FERRY3: variants seen among roughly 807,000 people sequenced by gnomAD.
The protein encoded by FERRY3 is protein C12orf4.
the FERRY3 span, among the ~76,000 whole-genome samples, chr12:4,501,136 C>A: frequency 3.3e-5 from 5 of 152,116 alleles, no homozygotes; most frequent in African/African-American, 1.2e-4. Context: ...AATCTACCAC[C>A]AACTATTTTC....
chr12:4,506,460 G>T, the FERRY3 span, among the ~76,000 whole-genome samples: 2 of 152,234 alleles, frequency 1.3e-5, no homozygotes, highest in Admixed American at 1.3e-4. Flanking sequence ...GAGATAGAAG[G>T]CTTTGATGCT....
At chr12:4,514,126 C>T in the FERRY3 span, among the ~76,000 whole-genome samples, 2 of 151,314 alleles carry the variant, frequency 1.3e-5, no homozygotes, top group Non-Finnish European at 2.9e-5. Context: ...TTTATGCAGC[C>T]AAAAAACACA....
the FERRY3 span, among the ~76,000 whole-genome samples, chr12:4,530,485 A>T: frequency 1.1e-4 from 16 of 152,202 alleles, no homozygotes; most frequent in African/African-American, 3.6e-4. Flanking sequence ...TGCATGCATT[A>T]GTTACATAAT....
the FERRY3 span, among the ~76,000 whole-genome samples, chr12:4,531,690 T>A: frequency 2.2e-4 from 33 of 152,206 alleles, no homozygotes; most frequent in African/African-American, 7.2e-4. Context: ...ACGCCTGACT[T>A]CTTTGAGGTT....
At chr12:4,521,559 A>G in the FERRY3 span, among the ~76,000 whole-genome samples, 11 of 152,244 alleles carry the variant, frequency 7.2e-5, no homozygotes, top group Non-Finnish European at 1.5e-4. Context: ...GACAACACAC[A>G]AGGAATTTTA....
the FERRY3 span, among the ~76,000 whole-genome samples, chr12:4,501,632 T>C: frequency 6.6e-6 from 1 of 152,236 alleles, no homozygotes; most frequent in Admixed American, 6.5e-5. Flanking sequence ...TAATGCCTGA[T>C]GATCTGTCAC....
At chr12:4,516,214 G>A in the FERRY3 span, among the ~76,000 whole-genome samples, 1 of 152,120 alleles carries the variant, frequency 6.6e-6, no homozygotes, top group South Asian at 2.1e-4. Flanking sequence ...ATAGAACTTG[G>A]ATCAAAAGAT....
the FERRY3 span, among the ~76,000 whole-genome samples, chr12:4,523,543 A>G: frequency 1.3e-5 from 2 of 152,222 alleles, no homozygotes; most frequent in African/African-American, 4.8e-5. Flanking sequence ...ACCATAGCAA[A>G]GACTTGGAAC....
chr12:4,525,431 AAAAAC>A, the FERRY3 span: 2 of 1,601,450 alleles, frequency 1.2e-6, no homozygotes, highest in Non-Finnish European at 1.7e-6. Flanking sequence ...AAACAAACAA[AAAAAC>A]AAAAGAAAAT....
At chr12:4,518,144 G>C in the FERRY3 span, 1 of 1,614,030 alleles carries the variant, frequency 6.2e-7, no homozygotes, top group Non-Finnish European at 8.5e-7. Flanking sequence ...TGACAGAGCT[G>C]TTTGGAGCCG....
the FERRY3 span, among the ~76,000 whole-genome samples, chr12:4,494,155 A>G: frequency 6.6e-6 from 1 of 152,170 alleles, no homozygotes. Flanking sequence ...TCTAAAAACT[A>G]CAATAATAAT....
the FERRY3 span, among the ~76,000 whole-genome samples, chr12:4,515,898 T>C: frequency 6.6e-6 from 1 of 152,184 alleles, no homozygotes; most frequent in Non-Finnish European, 1.5e-5. Flanking sequence ...GTACATTGAA[T>C]CGTCAAATTG....
chr12:4,506,309 A>G, the FERRY3 span, among the ~76,000 whole-genome samples: 1 of 152,164 alleles, frequency 6.6e-6, no homozygotes, highest in Non-Finnish European at 1.5e-5. Context: ...CCTTCAAACA[A>G]GTAAACAGCA....
chr12:4,522,430 T>G, the FERRY3 span, among the ~76,000 whole-genome samples: 1 of 152,172 alleles, frequency 6.6e-6, no homozygotes, highest in African/African-American at 2.4e-5. Context: ...TGAAAAAATG[T>G]TAACATAATT....
At chr12:4,520,023 C>A in the FERRY3 span, among the ~76,000 whole-genome samples, 3 of 152,204 alleles carry the variant, frequency 2.0e-5, no homozygotes. Flanking sequence ...GTGACATATA[C>A]CTCCAAGGAC....
the FERRY3 span, among the ~76,000 whole-genome samples, chr12:4,493,217 T>C: frequency 1.3e-5 from 2 of 152,234 alleles, no homozygotes; most frequent in Non-Finnish European, 2.9e-5. Context: ...CTGTCGTTTT[T>C]GGGGAGGAGG....
At chr12:4,499,855 A>G in the FERRY3 span, among the ~76,000 whole-genome samples, 1 of 152,140 alleles carries the variant, frequency 6.6e-6, no homozygotes, top group Non-Finnish European at 1.5e-5. Flanking sequence ...GAAAAAAAGG[A>G]GGAGAAAGAG....
the FERRY3 span, chr12:4,518,035 A>T: frequency 6.3e-7 from 1 of 1,580,904 alleles, no homozygotes. Flanking sequence ...TTAACAAAAT[A>T]AATGTGTATG....
chr12:4,518,980 G>A, the FERRY3 span: 1 of 742,394 alleles, frequency 1.3e-6, no homozygotes, highest in Non-Finnish European at 2.0e-6. Flanking sequence ...TGAAAGTCTT[G>A]CTTAATTTTT....
Sources: gnomAD v4.1 joint callset for allele counts (sites outside exome capture counted in the v4.1 genomes callset) on GRCh38, gnomAD v4.1.1 for gene constraint, MANE v1.5 for transcripts, NCBI Gene and HGNC (gene_info 2026-07-23, HGNC 2026-07-21) for gene names.